The following GDAP1 variants were observed in gnomAD, a reference collection of about 807,000 sequenced individuals.
GDAP1 encodes ganglioside induced differentiation associated protein 1, also known as ganglioside-induced differentiation-associated protein 1.
In GDAP1, 34 loss-of-function variants were observed where a neutral mutation model predicts 40.1. The ratio of observed to expected loss-of-function variants is 0.85; its 90% CI spans 0.64 to 1.13. GDAP1 has a LOEUF of 1.13. Among genes scored for constraint, GDAP1 ranks in the 50% most tolerant of loss-of-function variants. The pLI, the probability that GDAP1 is intolerant of heterozygous loss-of-function variation, is 0.00. For missense variants in GDAP1, 374 were observed against 433.7 expected, an observed-to-expected ratio of 0.86 and a Z score of 1.22; for synonymous variants, 170 against 157.4, an observed-to-expected ratio of 1.08 and a Z score of -0.60.
intron 5 of GDAP1, 137 bp from the exon 6 acceptor site, chr8:74,363,848 T>C: frequency 1.4e-6 from 1 of 727,572 alleles, no homozygotes; most frequent in Non-Finnish European, 2.4e-6. Flanking sequence ...AGTGTGGCTG[T>C]CAAGAAAATA....
At chr8:74,377,639 G>T (rs1329557668) in intron 2 of GDAP1, among the ~76,000 whole-genome samples, 1 of 152,180 alleles carries the variant, frequency 6.6e-6, no homozygotes, top group Non-Finnish European at 1.5e-5. Flanking sequence ...TGTTGACAAG[G>T]ATATAGAGTA....
Position 74,380,650 on chromosome 8 carries a change from C to T in GDAP1, c.165+29329C>T, listed in dbSNP as rs116479294. ...TCTTTGAAAAATAAAATAATCATTC[C>T]GTGAGTTTTTTTTGGTAGTTCAGGC... On this transcript the variant is annotated intron_variant, in intron 2 of 2. Transcript: ENST00000523640. 5.2e-3 allele frequency among the ~76,000 whole-genome samples: 788 copies of T among 152,068 alleles called. 8 individuals carry two copies. The highest frequency in any genetic ancestry group is 0.018 in the African/African-American group (726 of 41,476).
downstream of GDAP1, chr8:74,366,934 AGC>A (rs1809664617): frequency 2.7e-6 from 1 of 367,618 alleles, no homozygotes; most frequent in African/African-American, 2.1e-5. Context: ...TTAAAATCAA[AGC>A]ATCATGTGGT....
Position 74,362,983 on chromosome 8 carries a change from T to A in GDAP1, c.624T>A (p.Ile208=). The change falls in exon 5 of 6, where the codon ATT becomes ATA. Residue 208 remains isoleucine (I), a synonymous_variant. Transcript: ENST00000220822. ...DHDNVKYLKK[I]LDELEKVLDQ... Reference sequence around the variant, plus strand: ...ACAATGTCAAGTATTTGAAGAAAATTCTTGATGAGTTGGAGAAAGTCTTGG... The same window carrying A: ...ACAATGTCAAGTATTTGAAGAAAATACTTGATGAGTTGGAGAAAGTCTTGG... 1 of 1,593,052 alleles carries A rather than the reference T, an allele frequency of 6.3e-7. No homozygotes were observed. Among genetic ancestry groups the A allele is most frequent in the Non-Finnish European group, 8.6e-7 (1 of 1,160,968 alleles).
chr8:74,455,087 A>ACTT (rs1409174259), intron 2 of GDAP1, among the ~76,000 whole-genome samples: 1 of 152,018 alleles, frequency 6.6e-6, no homozygotes, highest in Non-Finnish European at 1.5e-5. Context: ...TCATAGTGAA[A>ACTT]CTTTTATTAA....
chr8:74,419,217 C>T (rs1040306092), intron 2 of GDAP1, among the ~76,000 whole-genome samples: 5 of 152,280 alleles, frequency 3.3e-5, no homozygotes, highest in Non-Finnish European at 7.4e-5. Flanking sequence ...TCACACAAAA[C>T]GCTTATATAA....
At chr8:74,368,268 G>T (rs1470843390), downstream of GDAP1, among the ~76,000 whole-genome samples, 1 of 152,134 alleles carries the variant, frequency 6.6e-6, no homozygotes, top group Non-Finnish European at 1.5e-5. Flanking sequence ...TGACCAGCAT[G>T]TATAAGTACA....
chr8:74,403,324 T>C (rs1805585607), intron 2 of GDAP1, among the ~76,000 whole-genome samples: 1 of 150,124 alleles, frequency 6.7e-6, no homozygotes, highest in Non-Finnish European at 1.5e-5. Context: ...TTGAATAAAA[T>C]CTAAAAGGAG....
rs139999782 is a variant in GDAP1 at position 74,477,436 on chromosome 8, A to C, written c.166-11242A>C. 5.1e-3 allele frequency among the ~76,000 whole-genome samples: 754 copies of C among 149,136 alleles called. 7 individuals carry two copies. The highest frequency in any genetic ancestry group is 0.017 in the African/African-American group (703 of 40,766). On this transcript the variant is annotated intron_variant, in intron 2 of 2. Coordinates refer to the GDAP1 transcript ENST00000523640. Reference sequence around the variant, plus strand: ...ATCTTTGTGGGCTAATATTCCTTCAATCTTTGAAGTTGCTGTCCTTTGGAT... The same window carrying C: ...ATCTTTGTGGGCTAATATTCCTTCACTCTTTGAAGTTGCTGTCCTTTGGAT...
At chr8:74,396,762 A>G (rs565735240) in intron 2 of GDAP1, among the ~76,000 whole-genome samples, 14 of 152,226 alleles carry the variant, frequency 9.2e-5, no homozygotes, top group Admixed American at 7.8e-4. Flanking sequence ...TCATTGTTGG[A>G]CATTTGGGTT....
At chr8:74,386,964 C>T (rs999106785) in intron 2 of GDAP1, among the ~76,000 whole-genome samples, 5 of 152,134 alleles carry the variant, frequency 3.3e-5, no homozygotes, top group African/African-American at 9.7e-5. Context: ...TGGGAGTTCA[C>T]TCATGATTTG....
chr8:74,418,628 C>T (rs1805815148), intron 2 of GDAP1, among the ~76,000 whole-genome samples: 1 of 152,122 alleles, frequency 6.6e-6, no homozygotes, highest in South Asian at 2.1e-4. Context: ...AAATCTTAGG[C>T]ATGACACTAA....
chr8:74,442,468 C>G (rs1806174999), intron 2 of GDAP1, among the ~76,000 whole-genome samples: 1 of 152,136 alleles, frequency 6.6e-6, no homozygotes, highest in African/African-American at 2.4e-5. Context: ...ATTCCTGAGG[C>G]CACAATTTTA....
intron 2 of GDAP1, among the ~76,000 whole-genome samples, chr8:74,401,502 C>A (rs993824879): frequency 6.7e-6 from 1 of 149,854 alleles, no homozygotes; most frequent in Admixed American, 6.6e-5. Flanking sequence ...GTTTGAATTT[C>A]CTCCTGTAGC....
At chr8:74,377,568 A>C (rs1471990741) in intron 2 of GDAP1, among the ~76,000 whole-genome samples, 1 of 152,214 alleles carries the variant, frequency 6.6e-6, no homozygotes, top group Admixed American at 6.5e-5. Flanking sequence ...TTAAAACCGC[A>C]ATGAGATACT....
intron 2 of GDAP1, among the ~76,000 whole-genome samples, chr8:74,400,837 T>A (rs1810317415): frequency 6.7e-6 from 1 of 149,398 alleles, no homozygotes; most frequent in African/African-American, 2.6e-5. Context: ...GATATGAAAT[T>A]CTGGGTTGAA....
intron 2 of GDAP1, among the ~76,000 whole-genome samples, chr8:74,422,773 G>A (rs1183968775): frequency 1.3e-5 from 2 of 151,418 alleles, no homozygotes; most frequent in African/African-American, 4.9e-5. Context: ...TCTCTTCTAG[G>A]TACCTACTAT....
At chr8:74,394,540 A>T (rs1014973570) in intron 2 of GDAP1, among the ~76,000 whole-genome samples, 1 of 152,120 alleles carries the variant, frequency 6.6e-6, no homozygotes, top group African/African-American at 2.4e-5. Context: ...CTCTCTCTAG[A>T]ATACCTTCCT....
At chr8:74,366,877 G>A (rs1304421925), downstream of GDAP1, 1 of 404,340 alleles carries the variant, frequency 2.5e-6, no homozygotes, top group Non-Finnish European at 4.8e-6. Context: ...CTAAAACAAA[G>A]TACTCACTTT....
Sources: gnomAD v4.1 joint callset for allele counts (sites outside exome capture counted in the v4.1 genomes callset) on GRCh38, gnomAD v4.1.1 for gene constraint, MANE v1.5 for transcripts, NCBI Gene and HGNC (gene_info 2026-07-23, HGNC 2026-07-21) for gene names.